The following ANGPT2 variants were observed in gnomAD, a reference collection of about 807,000 sequenced individuals.
ANGPT2 encodes the protein angiopoietin-2.
Under a neutral mutation model 62.9 loss-of-function variants are expected in ANGPT2, and 28 were observed. That is an observed-to-expected ratio of 0.44 (90% CI 0.33 to 0.61). The LOEUF (loss-of-function observed/expected upper bound fraction) is 0.61. Among genes scored for constraint, ANGPT2 ranks in the 20% least tolerant of loss-of-function variants. The pLI is 0.03. For missense variants in ANGPT2, 727 were observed against 594.9 expected, an observed-to-expected ratio of 1.22 and a Z score of -2.31; for synonymous variants, 284 against 207.8, an observed-to-expected ratio of 1.37 and a Z score of -3.15.
chr8:6,509,159 G>A (rs1387343397), intron 7 of ANGPT2, 97 bp from the exon 8 acceptor site: 20 of 1,474,468 alleles, frequency 1.4e-5, no homozygotes, highest in South Asian at 1.0e-4. Flanking sequence ...CTACAGAAGC[G>A]TGTTCTGTAC....
In ANGPT2 at chr8:6,502,587, C is replaced by A. The variant is rs913925252; in HGVS notation, c.*514G>T. The stretch of plus-strand genomic sequence containing the variant: ...TCCAAATATTAAACTTCTAGTAACC[C>A]CTTCTCAGAATATCCCTGAATATGT... On this transcript the variant is annotated 3_prime_UTR_variant, in exon 9 of 9. Coordinates refer to ENST00000629816, the MANE Select transcript of ANGPT2 (RefSeq NM_001118887.2). 2 of 152,320 alleles carry A rather than the reference C, an allele frequency of 1.3e-5. No individual in the cohort carries two copies. The highest frequency in any genetic ancestry group is 4.8e-5 in the African/African-American group (2 of 41,426). The allele number at this position is 152,320 out of a possible 1,614,324, so 9.4% of individuals were successfully genotyped here. A position where few individuals can be genotyped will look rare whatever the true frequency, so the allele number is the denominator to read the frequency against.
intron 7 of ANGPT2, among the ~76,000 whole-genome samples, chr8:6,512,105 C>G (rs768792154): frequency 6.6e-6 from 1 of 151,712 alleles, no homozygotes; most frequent in Non-Finnish European, 1.5e-5. Flanking sequence ...TCCAGGAGAG[C>G]CTGATCTTTC....
intron 1 of ANGPT2, among the ~76,000 whole-genome samples, chr8:6,556,472 C>T (rs371657119): frequency 1.3e-4 from 20 of 150,122 alleles, no homozygotes; most frequent in African/African-American, 3.9e-4. Flanking sequence ...GTCCCTCACA[C>T]GCCTGACTCC....
intron 8 of ANGPT2, chr8:6,508,639 A>G: frequency 1.7e-6 from 1 of 574,404 alleles, no homozygotes; most frequent in South Asian, 2.4e-5. Context: ...AGTATCCAGC[A>G]AGCACAAACG....
chr8:6,514,980 G>A (rs2515423), intron 5 of ANGPT2, among the ~76,000 whole-genome samples: 9,180 of 152,170 alleles, frequency 0.06, 313 homozygotes, highest in African/African-American at 0.079. Context: ...AAATGATGGT[G>A]AAACATAAAC....
At chr8:6,514,452 G>C (rs1815831195) in intron 6 of ANGPT2, among the ~76,000 whole-genome samples, 1 of 152,138 alleles carries the variant, frequency 6.6e-6, no homozygotes, top group Non-Finnish European at 1.5e-5. Context: ...GCCTCCCAAA[G>C]TGCTGGGATT....
At chr8:6,529,040 T>C (rs538705458) in intron 2 of ANGPT2, among the ~76,000 whole-genome samples, 10 of 152,340 alleles carry the variant, frequency 6.6e-5, no homozygotes, top group Non-Finnish European at 1.5e-4. Flanking sequence ...TGTGTCCTGT[T>C]TAATTCATAA....
chr8:6,524,818 TGGTTTCAC>T (rs1158260430), intron 3 of ANGPT2, among the ~76,000 whole-genome samples: 1 of 152,186 alleles, frequency 6.6e-6, no homozygotes, highest in African/African-American at 2.4e-5. Context: ...ATGAAGATCA[TGGTTTCAC>T]TGAAGAGAAA....
At chr8:6,510,428 G>T (rs1563317433) in intron 7 of ANGPT2, among the ~76,000 whole-genome samples, 1 of 152,218 alleles carries the variant, frequency 6.6e-6, no homozygotes, top group Non-Finnish European at 1.5e-5. Flanking sequence ...ATGTTTGCAA[G>T]CTGCCACATT....
chr8:6,511,844 C>T (rs1182462481), intron 7 of ANGPT2, among the ~76,000 whole-genome samples: 1 of 151,600 alleles, frequency 6.6e-6, no homozygotes, highest in Non-Finnish European at 1.5e-5. Flanking sequence ...AGGGTAATGA[C>T]CCATTTTGTA....
chr8:6,541,649 G>A (rs1220758067), intron 1 of ANGPT2, among the ~76,000 whole-genome samples: 3 of 152,138 alleles, frequency 2.0e-5, no homozygotes, highest in Non-Finnish European at 2.9e-5. Flanking sequence ...TTAGAAGATA[G>A]TAGTGATGTT....
At chr8:6,548,602 C>T (rs866834739) in intron 1 of ANGPT2, among the ~76,000 whole-genome samples, 1 of 152,072 alleles carries the variant, frequency 6.6e-6, no homozygotes, top group African/African-American at 2.4e-5. Flanking sequence ...AGAAAGTACA[C>T]CTGATGGATT....
At chr8:6,535,424 A>G (rs1281547975) in intron 1 of ANGPT2, among the ~76,000 whole-genome samples, 3 of 152,266 alleles carry the variant, frequency 2.0e-5, no homozygotes, top group Admixed American at 1.3e-4. Context: ...CATAAAAACA[A>G]TAGAATGCAA....
At chr8:6,553,988 C>G (rs1486003754) in intron 1 of ANGPT2, among the ~76,000 whole-genome samples, 1 of 151,914 alleles carries the variant, frequency 6.6e-6, no homozygotes, top group Admixed American at 6.6e-5. Flanking sequence ...CTGTTAGTGA[C>G]ATAGAGAGAC....
intron 1 of ANGPT2, among the ~76,000 whole-genome samples, chr8:6,547,751 C>T (rs1014671289): frequency 6.6e-6 from 1 of 152,154 alleles, no homozygotes; most frequent in Non-Finnish European, 1.5e-5. Flanking sequence ...TCTCCACTGA[C>T]TCACTCGGTG....
intron 3 of ANGPT2, among the ~76,000 whole-genome samples, chr8:6,521,959 G>C (rs775696550): frequency 2.0e-5 from 3 of 152,178 alleles, no homozygotes; most frequent in Non-Finnish European, 4.4e-5. Flanking sequence ...CCTGCGACTT[G>C]GAACAGTTTA....
chr8:6,521,394 C>A lies in ANGPT2; in HGVS notation c.583G>T (p.Val195Leu). ...QDKNSFLEKK[V>L]LAMEDKHIIQ... is the part of the protein sequence containing the mutation. ...ATGTGCTTGTCTTCCATAGCTAGCACCTTCTTTTCTAGGAAACTTGTAAGG... is the reference window on the plus strand; with the variant it reads ...ATGTGCTTGTCTTCCATAGCTAGCAACTTCTTTTCTAGGAAACTTGTAAGG... The change falls in exon 4 of 9, where the codon GTG (valine) becomes TTG (leucine). Residue 195 changes from valine to leucine, a missense_variant. By Grantham distance (32) the Val-to-Leu change is conservative. Coordinates refer to ENST00000629816, the MANE Select transcript of ANGPT2 (RefSeq NM_001118887.2). The A allele has an allele frequency of 6.2e-7, 1 of 1,609,930 alleles. No individual in the cohort carries two copies. The highest frequency in any genetic ancestry group is 8.5e-7 in the Non-Finnish European group (1 of 1,178,698).
intron 1 of ANGPT2, among the ~76,000 whole-genome samples, chr8:6,546,537 A>AT (rs1423464497): frequency 8.8e-6 from 1 of 113,584 alleles, no homozygotes; most frequent in Non-Finnish European, 1.8e-5. Context: ...AAAATAAAGG[A>AT]TCTTTTTTTA....
At chr8:6,514,442 G>C (rs1815829217) in intron 6 of ANGPT2, among the ~76,000 whole-genome samples, 1 of 152,134 alleles carries the variant, frequency 6.6e-6, no homozygotes, top group Non-Finnish European at 1.5e-5. Flanking sequence ...ATCTGCCTCG[G>C]CCTCCCAAAG....
Sources: gnomAD v4.1 joint callset for allele counts (sites outside exome capture counted in the v4.1 genomes callset) on GRCh38, gnomAD v4.1.1 for gene constraint, MANE v1.5 for transcripts, NCBI Gene and HGNC (gene_info 2026-07-23, HGNC 2026-07-21) for gene names.